RFC5: variants seen among roughly 807,000 people sequenced by gnomAD.
RFC5 encodes the protein A1 36 kDa subunit.
RFC5 carries 26 observed loss-of-function variants against 44.3 expected under a neutral mutation model. That is an observed-to-expected ratio of 0.59 (90% CI 0.43 to 0.81). The LOEUF (loss-of-function observed/expected upper bound fraction) is 0.81, where lower values mean the gene tolerates loss of function less well. Ranked by LOEUF, RFC5 falls within the 40% of genes least tolerant of loss-of-function variation. The probability of loss-of-function intolerance (pLI) is 0.00; values close to 1 mark genes in which losing one functional copy is unlikely to be tolerated. For synonymous variants in RFC5, 155 were observed against 155.2 expected, an observed-to-expected ratio of 1.00 and a Z score of 0.01; for missense variants, 328 against 418.6, an observed-to-expected ratio of 0.78 and a Z score of 1.89.
chr12:118,035,385 A>T, downstream of RFC5: 3 of 1,500,458 alleles, frequency 2.0e-6, no homozygotes, highest in Admixed American at 1.7e-5. Context: ...ACCCTCCATC[A>T]TCACCCTAGG....
chr12:118,021,622 G>A (rs1216345010), intron 4 of RFC5, among the ~76,000 whole-genome samples: 1 of 151,220 alleles, frequency 6.6e-6, no homozygotes, highest in East Asian at 1.9e-4. Context: ...GATCAGGAAG[G>A]ACAACTAGGA....
Position 118,026,062 on chromosome 12 carries a change from C to T in RFC5, c.663+234C>T, listed in dbSNP as rs985649784. On this transcript the variant is annotated intron_variant, in intron 7 of 10. Coordinates refer to ENST00000454402, the MANE Select transcript of RFC5 (RefSeq NM_007370.7). ...TTCGCCATGTTGGTTAGGCTGGTCT[C>T]GAACTCCTGACCTCAAATGATCCAT... Among the ~76,000 whole-genome samples the T allele has an allele frequency of 3.3e-5, 5 of 151,916 alleles. No individual in the cohort carries two copies. In the South Asian group the frequency reaches 8.3e-4, roughly 25 times the overall value.
downstream of RFC5, among the ~76,000 whole-genome samples, chr12:118,037,339 G>A (rs1297667880): frequency 6.6e-6 from 1 of 152,164 alleles, no homozygotes; most frequent in Non-Finnish European, 1.5e-5. Context: ...ACCTTTGTGA[G>A]AAGCATTAAG....
At position 118,029,822 on chromosome 12, in the gene RFC5, T is replaced by C; in HGVS notation, c.923T>C (p.Ile308Thr). The change falls in exon 10 of 11, where the codon ATT becomes ACT. Residue 308 changes from isoleucine to threonine, a missense_variant. Physicochemically the swap from Ile to Thr is moderately conservative, Grantham distance 89. Coordinates refer to ENST00000454402, the MANE Select transcript of RFC5 (RefSeq NM_007370.7). ...CATTTATTGACCAAAATGGCAGACATTGAGTGAGTACTTCTTGCCCCAGTT... is the reference window on the plus strand; with the variant it reads ...CATTTATTGACCAAAATGGCAGACACTGAGTGAGTACTTCTTGCCCCAGTT... Reference protein sequence around the residue: ...RIHLLTKMADIEYRLSVGTNE... With the variant: ...RIHLLTKMADTEYRLSVGTNE... 6.3e-7 allele frequency: 1 copy of C among 1,598,656 alleles called. No individual in the cohort carries two copies. The highest frequency in any genetic ancestry group is 8.6e-7 in the Non-Finnish European group (1 of 1,165,928).
downstream of RFC5, chr12:118,035,245 C>G (rs754879721): frequency 6.2e-7 from 1 of 1,614,206 alleles, no homozygotes; most frequent in Non-Finnish European, 8.5e-7. Flanking sequence ...AGGTACAAGC[C>G]TTCTGGAGAG....
At chr12:118,036,989 T>C (rs112510763), downstream of RFC5, among the ~76,000 whole-genome samples, 25,888 of 151,632 alleles carry the variant, frequency 0.17, 2,172 homozygotes, top group African/African-American at 0.19. Context: ...CAAGACCAGC[T>C]TGGTCAACAT....
chr12:118,034,255 C>T (rs1338982150), downstream of RFC5: 1 of 1,614,190 alleles, frequency 6.2e-7, no homozygotes, highest in Non-Finnish European at 8.5e-7. Flanking sequence ...AGTGCTAGGA[C>T]TTGGTAAGTT....
At chr12:118,037,527 G>A (rs2031539655), downstream of RFC5, among the ~76,000 whole-genome samples, 1 of 152,034 alleles carries the variant, frequency 6.6e-6, no homozygotes. Context: ...AATTAGCCAG[G>A]CGTGGTGTAG....
intron 10 of RFC5, 70 bp downstream of exon 10, chr12:118,029,895 A>G: frequency 8.4e-7 from 1 of 1,191,926 alleles, no homozygotes; most frequent in Non-Finnish European, 1.3e-6. Flanking sequence ...ATTTGTTTCA[A>G]CTTTCTTGGT....
Position 118,025,757 on chromosome 12 carries a change from A to C in RFC5, c.592A>C (p.Ser198Arg). The change falls in exon 7 of 11, where the codon AGT becomes CGT. Residue 198 changes from serine to arginine, a missense_variant. Ser to Arg is a moderately radical substitution (Grantham distance 110, BLOSUM62 -1). Transcript: ENST00000454402. ...HVVEEEKVDISEDGMKALVTL... is the reference protein window; with the variant it reads ...HVVEEEKVDIREDGMKALVTL... Reference sequence around the variant, plus strand: ...GCTTATTTCTTTCAGAGTTGATATAAGTGAAGATGGAATGAAAGCACTAGT... The same window carrying C: ...GCTTATTTCTTTCAGAGTTGATATACGTGAAGATGGAATGAAAGCACTAGT... 1 of 1,604,386 alleles carries C rather than the reference A, an allele frequency of 6.2e-7. No individual in the cohort carries two copies.
At position 118,019,792 on chromosome 12, in the gene RFC5, A is replaced by G. The variant is rs542571209; in HGVS notation, c.267+24A>G. ...AGGTAAATAAGATTGTTCTTACTCT[A>G]CAAATAACTTAAGAGACTCCAGTCT... On this transcript the variant is annotated intron_variant, in intron 3 of 10. Coordinates refer to ENST00000454402, the MANE Select transcript of RFC5 (RefSeq NM_007370.7). The surrounding 1 kb of genome is among the most constrained non-coding windows in gnomAD (Gnocchi z 4.2). The G allele has an allele frequency of 3.8e-6, 6 of 1,595,492 alleles. No individual in the cohort carries two copies. Among genetic ancestry groups the G allele is most frequent in the South Asian group, 1.1e-5 (1 of 89,798 alleles).
Position 118,031,394 on chromosome 12 carries a change from G to A in RFC5, c.*116G>A. ...GGATGAATCAGTCACCCCGAATCTT[G>A]GAAAAACCCCCTTCCAGGAGAGGAT... On this transcript the variant is annotated 3_prime_UTR_variant, in exon 11 of 11. Coordinates refer to ENST00000454402, the MANE Select transcript of RFC5 (RefSeq NM_007370.7). The A allele has an allele frequency of 1.6e-6, 1 of 622,494 alleles. No individual in the cohort carries two copies. Among genetic ancestry groups the A allele is most frequent in the South Asian group, 2.4e-5 (1 of 41,382 alleles). 38.6% of individuals were successfully genotyped at this position (622,494 alleles called of 1,614,324 possible).
intron 1 of RFC5, chr12:118,017,914 T>C: frequency 1.5e-6 from 1 of 674,660 alleles, no homozygotes; most frequent in Non-Finnish European, 2.7e-6. Flanking sequence ...GTCTTCCCGC[T>C]ATCTAGTTCC....
In RFC5 at chr12:118,016,734, C is replaced by T; in HGVS notation, c.-94C>T. 1.9e-6 allele frequency: 2 copies of T among 1,027,766 alleles called. No homozygotes were observed. The highest frequency in any genetic ancestry group is 3.0e-6 in the Non-Finnish European group (2 of 675,144). The allele number at this position is 1,027,766 out of a possible 1,614,324, so 63.7% of individuals were successfully genotyped here. A position where few individuals can be genotyped will look rare whatever the true frequency, so the allele number is the denominator to read the frequency against. ...TGCTTTTGCGCGCGAACTGTAAGTG[C>T]CAGGGTCTCAGGGTCAGGTCGCGGC... On this transcript the variant is annotated 5_prime_UTR_variant, in exon 1 of 11. Transcript: ENST00000454402.
intron 5 of RFC5, 149 bp downstream of exon 5, chr12:118,022,508 A>C: frequency 1.7e-6 from 1 of 596,000 alleles, no homozygotes; most frequent in Non-Finnish European, 3.0e-6. Context: ...TCTGTCACCC[A>C]GGTTGGAGTG....
At chr12:118,037,678 A>AAG (rs2031544539), downstream of RFC5, among the ~76,000 whole-genome samples, 1 of 151,366 alleles carries the variant, frequency 6.6e-6, no homozygotes, top group South Asian at 2.1e-4. Flanking sequence ...AAAAAAAAAA[A>AAG]AAAAGAAAAG....
At chr12:118,030,190 A>T (rs1304219209) in intron 10 of RFC5, among the ~76,000 whole-genome samples, 1 of 152,188 alleles carries the variant, frequency 6.6e-6, no homozygotes, top group Non-Finnish European at 1.5e-5. Context: ...GGGGAAAAGT[A>T]AACACAAACT....
intron 10 of RFC5, among the ~76,000 whole-genome samples, chr12:118,030,977 A>G (rs942180964): frequency 5.3e-5 from 8 of 152,208 alleles, no homozygotes; most frequent in African/African-American, 1.7e-4. Context: ...ACAAGTTTGA[A>G]ACATCACATT....
chr12:118,035,130 C>T (rs1470254014), downstream of RFC5: 1 of 1,613,078 alleles, frequency 6.2e-7, no homozygotes, highest in African/African-American at 1.3e-5. Flanking sequence ...TATTAGCTGA[C>T]CCAGGGCCAG....
Sources: allele counts gnomAD v4.1 joint callset (sites outside exome capture counted in the v4.1 genomes callset), GRCh38; gene constraint gnomAD v4.1.1; non-coding constraint Gnocchi (gnomAD v3.1); transcripts MANE v1.5; gene names NCBI Gene and HGNC (gene_info 2026-07-23, HGNC 2026-07-21).